ZEB2: variants seen among roughly 807,000 people sequenced by gnomAD.
ZEB2 encodes the protein zinc finger E-box-binding homeobox 2.
Under a neutral mutation model 99.9 loss-of-function variants are expected in ZEB2, and 6 were observed. That is an observed-to-expected ratio of 0.06 (90% CI 0.03 to 0.12). The LOEUF is 0.12. Ranked by LOEUF, ZEB2 falls within the 10% of genes least tolerant of loss-of-function variation. The probability of loss-of-function intolerance (pLI) is 1.00; values close to 1 mark genes in which losing one functional copy is unlikely to be tolerated. For missense variants in ZEB2, 969 were observed against 1,502.8 expected (o/e 0.64, Z 5.87); for synonymous variants, 517 against 542.5 (o/e 0.95, Z 0.65).
intron 4 of ZEB2, among the ~76,000 whole-genome samples, chr2:144,407,329 T>A (rs967324726): frequency 3.9e-5 from 6 of 152,368 alleles, no homozygotes; most frequent in Middle Eastern, 3.4e-3. Flanking sequence ...GAAATTTTGC[T>A]TAAATCTGTT....
At chr2:144,393,590 C>T (rs1295797241) in intron 9 of ZEB2, among the ~76,000 whole-genome samples, 1 of 152,188 alleles carries the variant, frequency 6.6e-6, no homozygotes, top group Non-Finnish European at 1.5e-5. Context: ...GGGATAGGAA[C>T]TATCCCACAG....
intron 2 of ZEB2, among the ~76,000 whole-genome samples, chr2:144,486,306 G>T (rs754923238): frequency 6.7e-6 from 1 of 149,812 alleles, no homozygotes; most frequent in Admixed American, 6.6e-5. Context: ...TTTTTTGGTC[G>T]ACCTGAAAAA....
intron 2 of ZEB2, among the ~76,000 whole-genome samples, chr2:144,506,960 G>C (rs1014317248): frequency 6.6e-6 from 1 of 152,098 alleles, no homozygotes; most frequent in Non-Finnish European, 1.5e-5. Context: ...ATTAATGACA[G>C]TTACCTATTC....
At chr2:144,513,797 G>T in intron 2 of ZEB2, 1 of 1,536,160 alleles carries the variant, frequency 6.5e-7, no homozygotes, top group East Asian at 2.4e-5. Flanking sequence ...TGACTCCAAG[G>T]CTGTGTGGAG....
Position 144,399,543 on chromosome 2 carries a change from C to T in ZEB2, c.1644G>A (p.Arg548=). ...ACLQSLTTDS[R]RQISNIKKEK... ...CTTTCTTTATATTACTGATCTGTCT[C>T]CTTGAGTCAGTAGTCAAGCTCTGGA... The change falls in exon 8 of 10, where the codon AGG becomes AGA. Residue 548 remains arginine (R), a synonymous_variant. Coordinates refer to ENST00000627532, the MANE Select transcript of ZEB2 (RefSeq NM_014795.4). This position sits in a 1 kb window ranked among gnomAD's most constrained non-coding sequence, Gnocchi z 5.6. The T allele has an allele frequency of 6.2e-7, 1 of 1,614,158 alleles. No individual in the cohort carries two copies. The highest frequency in any genetic ancestry group is 8.5e-7 in the Non-Finnish European group (1 of 1,180,026).
chr2:144,406,831 A>G (rs1339713698), intron 4 of ZEB2, among the ~76,000 whole-genome samples: 1 of 152,216 alleles, frequency 6.6e-6, no homozygotes, highest in African/African-American at 2.4e-5. Context: ...AGAGAAAAGT[A>G]GGTCCTGGGA....
chr2:144,470,783 C>T (rs1704344338), intron 2 of ZEB2, among the ~76,000 whole-genome samples: 1 of 152,042 alleles, frequency 6.6e-6, no homozygotes, highest in South Asian at 2.1e-4. Context: ...AAAAAATATT[C>T]CAGCATCTAG....
At chr2:144,439,365 C>A (rs375945280) in intron 2 of ZEB2, among the ~76,000 whole-genome samples, 1 of 152,206 alleles carries the variant, frequency 6.6e-6, no homozygotes, top group African/African-American at 2.4e-5. Flanking sequence ...ATCTTTTGCT[C>A]ATTGCCCAGG....
At chr2:144,398,150 T>G in intron 8 of ZEB2, 151 bp downstream of exon 8, 1 of 910,034 alleles carries the variant, frequency 1.1e-6, no homozygotes, top group South Asian at 1.5e-5. Flanking sequence ...TCATCCATTG[T>G]TCTAGCCCAC....
At chr2:144,417,267 T>A (rs540858976) in intron 4 of ZEB2, among the ~76,000 whole-genome samples, 1 of 152,282 alleles carries the variant, frequency 6.6e-6, no homozygotes, top group African/African-American at 2.4e-5. Flanking sequence ...TTATGTTGCT[T>A]AGTGGAAGGA....
intron 4 of ZEB2, among the ~76,000 whole-genome samples, chr2:144,414,481 C>T (rs1221997256): frequency 2.0e-5 from 3 of 152,046 alleles, no homozygotes; most frequent in African/African-American, 7.2e-5. Flanking sequence ...GAGGCAGGGC[C>T]CCCGAGAGCC....
rs1378105543 is a variant in ZEB2 at position 144,517,035 on chromosome 2, CCGGACCCCCGCGCT to C, written c.73+229_73+242del. On this transcript the variant is annotated intron_variant, in intron 2 of 9. Transcript: ENST00000627532. ...CGGGGCTGGGGGCGCGGGGCCCCGGCCGGACCCCCGCGCTCGGACCCCCGGGTGCCTGACGCTCA... is the reference window on the plus strand; with the variant it reads ...CGGGGCTGGGGGCGCGGGGCCCCGGCCGGACCCCCGGGTGCCTGACGCTCA... Among the ~76,000 whole-genome samples, 317 of 149,854 alleles carry C rather than the reference CCGGACCCCCGCGCT, an allele frequency of 2.1e-3. 2 individuals carry two copies. The highest frequency in any genetic ancestry group is 7.5e-3 in the African/African-American group (309 of 41,170).
At chr2:144,434,298 C>T (rs1703810040) in intron 2 of ZEB2, among the ~76,000 whole-genome samples, 1 of 152,124 alleles carries the variant, frequency 6.6e-6, no homozygotes, top group Non-Finnish European at 1.5e-5. Context: ...TTATTAAATA[C>T]CCACAATGTG....
At chr2:144,414,627 A>G (rs1441253843) in intron 4 of ZEB2, among the ~76,000 whole-genome samples, 2 of 152,194 alleles carry the variant, frequency 1.3e-5, no homozygotes, top group Admixed American at 6.5e-5. Context: ...AGATGTTACA[A>G]CTAAGGTACA....
intron 2 of ZEB2, among the ~76,000 whole-genome samples, chr2:144,451,358 T>C (rs1485369561): frequency 6.6e-6 from 1 of 152,196 alleles, no homozygotes; most frequent in Non-Finnish European, 1.5e-5. Context: ...TCCACTGTTT[T>C]TTCGGTATAA....
At chr2:144,462,871 C>T (rs775140649) in intron 2 of ZEB2, 1 of 152,036 alleles carries the variant, frequency 6.6e-6, no homozygotes, top group Non-Finnish European at 1.5e-5. Flanking sequence ...ACTGTCAGGC[C>T]CCATTAGTTC....
intron 4 of ZEB2, among the ~76,000 whole-genome samples, chr2:144,413,643 T>C (rs1703495195): frequency 6.6e-6 from 1 of 152,232 alleles, no homozygotes; most frequent in South Asian, 2.1e-4. Flanking sequence ...TCTTCCAACC[T>C]ATAAAAATGT....
At chr2:144,431,967 G>A (rs1703777726) in intron 2 of ZEB2, among the ~76,000 whole-genome samples, 1 of 149,194 alleles carries the variant, frequency 6.7e-6, no homozygotes, top group African/African-American at 2.5e-5. Flanking sequence ...AATTATCTAA[G>A]GCTGGACAGG....
At chr2:144,400,494 A>G (rs1259316920) in intron 7 of ZEB2, 3 of 628,004 alleles carry the variant, frequency 4.8e-6, no homozygotes, top group Non-Finnish European at 2.7e-6. Flanking sequence ...AGGGCTATCT[A>G]TGCCTTTTTC....
Sources: allele counts gnomAD v4.1 joint callset (sites outside exome capture counted in the v4.1 genomes callset), GRCh38; gene constraint gnomAD v4.1.1; non-coding constraint Gnocchi (gnomAD v3.1); transcripts MANE v1.5; gene names NCBI Gene and HGNC (gene_info 2026-07-23, HGNC 2026-07-21).